The following PDE7B variants were observed in gnomAD, a reference collection of about 807,000 sequenced individuals.
The protein encoded by PDE7B is phosphodiesterase 7B.
Under a neutral mutation model 56.2 loss-of-function variants are expected in PDE7B, and 29 were observed. The ratio of observed to expected loss-of-function variants is 0.52; its 90% CI spans 0.38 to 0.70. The LOEUF is 0.70. PDE7B is among the 30% of genes least tolerant of loss of function. PDE7B has a pLI of 0.00. For synonymous variants in PDE7B, 197 were observed against 196.9 expected, an observed-to-expected ratio of 1.00 and a Z score of 0.00; for missense variants, 490 against 565.0, an observed-to-expected ratio of 0.87 and a Z score of 1.35.
At chr6:136,187,901 G>A (rs1242140149) in intron 12 of PDE7B, among the ~76,000 whole-genome samples, 1 of 152,028 alleles carries the variant, frequency 6.6e-6, no homozygotes, top group Non-Finnish European at 1.5e-5. Context: ...CATTGAATCC[G>A]AACTCAGAAC....
chr6:136,017,428 C>G (rs6924866), intron 2 of PDE7B, among the ~76,000 whole-genome samples: 22,695 of 151,572 alleles, frequency 0.15, 3,679 homozygotes, highest in African/African-American at 0.41. Flanking sequence ...TGCCATGTTG[C>G]TGTGTTGCAT....
chr6:136,182,286 A>C (rs1171617266), intron 11 of PDE7B, among the ~76,000 whole-genome samples: 3 of 152,190 alleles, frequency 2.0e-5, no homozygotes, highest in Non-Finnish European at 4.4e-5. Flanking sequence ...TGTAACTCCT[A>C]CAATTCTGTA....
At chr6:135,891,865 T>TA (rs1775815383) in intron 1 of PDE7B, among the ~76,000 whole-genome samples, 1 of 152,174 alleles carries the variant, frequency 6.6e-6, no homozygotes, top group Non-Finnish European at 1.5e-5. Flanking sequence ...AGCTGGACTG[T>TA]AAGCTTGAGG....
chr6:136,113,520 AG>A (rs1420488576), intron 3 of PDE7B, among the ~76,000 whole-genome samples: 3 of 152,228 alleles, frequency 2.0e-5, no homozygotes, highest in Middle Eastern at 3.2e-3. Flanking sequence ...TGTGGGACAT[AG>A]GAAAGATAGA....
chr6:135,937,381 T>C (rs1774439414), intron 1 of PDE7B, among the ~76,000 whole-genome samples: 1 of 152,134 alleles, frequency 6.6e-6, no homozygotes, highest in African/African-American at 2.4e-5. Flanking sequence ...TTCCCCAGCC[T>C]TGCGTCTCTC....
At chr6:136,151,864 C>G (rs1427449094) in intron 6 of PDE7B, among the ~76,000 whole-genome samples, 3 of 151,850 alleles carry the variant, frequency 2.0e-5, no homozygotes, top group Non-Finnish European at 4.4e-5. Context: ...CACTTGAACC[C>G]GGGAGGTGGA....
At chr6:136,014,455 T>C (rs1366267945) in intron 2 of PDE7B, among the ~76,000 whole-genome samples, 2 of 152,248 alleles carry the variant, frequency 1.3e-5, no homozygotes, top group Non-Finnish European at 2.9e-5. Flanking sequence ...GAACACACTC[T>C]TATTTGCAAG....
At chr6:136,153,397 C>T (rs1778553508) in intron 6 of PDE7B, among the ~76,000 whole-genome samples, 1 of 152,184 alleles carries the variant, frequency 6.6e-6, no homozygotes, top group South Asian at 2.1e-4. Context: ...TGAGCTGAAG[C>T]AGGTTAGCGT....
chr6:136,178,702 A>G (rs1009516078), intron 9 of PDE7B, among the ~76,000 whole-genome samples: 1 of 152,202 alleles, frequency 6.6e-6, no homozygotes. Flanking sequence ...TCCCTAAAAC[A>G]TGCATTTCTA....
chr6:136,016,431 T>C (rs754060715), intron 2 of PDE7B, among the ~76,000 whole-genome samples: 2 of 152,180 alleles, frequency 1.3e-5, no homozygotes, highest in Non-Finnish European at 2.9e-5. Context: ...TTTATATGAG[T>C]GCTAACTACG....
At chr6:136,008,212 T>A (rs1253975967) in intron 2 of PDE7B, among the ~76,000 whole-genome samples, 1 of 152,136 alleles carries the variant, frequency 6.6e-6, no homozygotes, top group Non-Finnish European at 1.5e-5. Context: ...ATGTGCCACA[T>A]TTTCTTAATC....
At chr6:135,922,860 A>G (rs1366140083) in intron 1 of PDE7B, among the ~76,000 whole-genome samples, 1 of 152,182 alleles carries the variant, frequency 6.6e-6, no homozygotes, top group Non-Finnish European at 1.5e-5. Flanking sequence ...TTGATGAGGC[A>G]GAAAAACCTT....
intron 2 of PDE7B, among the ~76,000 whole-genome samples, chr6:135,961,993 G>A (rs1296259745): frequency 2.6e-5 from 4 of 152,022 alleles, no homozygotes; most frequent in Non-Finnish European, 5.9e-5. Flanking sequence ...TGTGGATTTG[G>A]GATGATAATG....
intron 1 of PDE7B, among the ~76,000 whole-genome samples, chr6:135,893,016 T>A (rs1225729947): frequency 6.6e-6 from 1 of 152,172 alleles, no homozygotes; most frequent in Non-Finnish European, 1.5e-5. Flanking sequence ...CTTTTCTTGT[T>A]CTGTCTTCTT....
In PDE7B at chr6:136,194,577, T is replaced by C. The variant is rs963450750; in HGVS notation, c.*2737T>C. 1 of 152,308 alleles carries C rather than the reference T, an allele frequency of 6.6e-6. No homozygotes were observed. The highest frequency in any genetic ancestry group is 1.9e-4 in the East Asian group (1 of 5,180). 9.4% of individuals were successfully genotyped at this position (152,308 alleles called of 1,614,324 possible). A position where few individuals can be genotyped will look rare whatever the true frequency, so the allele number is the denominator to read the frequency against. Reference sequence around the variant, plus strand: ...GGCTATTAGTGGCTGTCTTGCAATATTTCAATAGGAGTCCAATTACTAGTT... The same window carrying C: ...GGCTATTAGTGGCTGTCTTGCAATACTTCAATAGGAGTCCAATTACTAGTT... On this transcript the variant is annotated 3_prime_UTR_variant, in exon 13 of 13. Coordinates refer to ENST00000308191, the MANE Select transcript of PDE7B (RefSeq NM_018945.4).
chr6:136,074,718 G>A (rs997402409), intron 2 of PDE7B, among the ~76,000 whole-genome samples: 8 of 151,956 alleles, frequency 5.3e-5, no homozygotes, highest in Admixed American at 1.3e-4. Context: ...TTAATCTAAC[G>A]ACCTCCGAGT....
rs1385019270 is a variant in PDE7B at position 135,931,951 on chromosome 6, GCGCACACACACACA to G, written c.22-15511_22-15498del. 1.1e-4 allele frequency among the ~76,000 whole-genome samples: 15 copies of G among 142,306 alleles called. 1 individual carries two copies. Among genetic ancestry groups the G allele is most frequent in the South Asian group, 4.4e-4 (2 of 4,560 alleles). The allele number at this position is 142,306 out of a possible 152,430, so 93.4% of individuals were successfully genotyped here. On this transcript the variant is annotated intron_variant, in intron 1 of 12. Coordinates refer to ENST00000308191, the MANE Select transcript of PDE7B (RefSeq NM_018945.4). ...TGTTACCGCGCACACACACACGCGCGCGCACACACACACACACACACACACACACACATAGGTAT... is the reference window on the plus strand; with the variant it reads ...TGTTACCGCGCACACACACACGCGCGCACACACACACACACACATAGGTAT...
chr6:136,099,153 A>T (rs1179104729), intron 2 of PDE7B, among the ~76,000 whole-genome samples: 1 of 151,964 alleles, frequency 6.6e-6, no homozygotes, highest in Non-Finnish European at 1.5e-5. Flanking sequence ...AATGTGCCAC[A>T]TTTTCTTTAT....
At chr6:136,097,694 TA>T (rs897848312) in intron 2 of PDE7B, among the ~76,000 whole-genome samples, 1 of 152,196 alleles carries the variant, frequency 6.6e-6, no homozygotes, top group African/African-American at 2.4e-5. Flanking sequence ...GTCTTTTCTT[TA>T]ATCATCCTAA....
Sources: gnomAD v4.1 joint callset for allele counts (sites outside exome capture counted in the v4.1 genomes callset) on GRCh38, gnomAD v4.1.1 for gene constraint, MANE v1.5 for transcripts, NCBI Gene and HGNC (gene_info 2026-07-23, HGNC 2026-07-21) for gene names.